Variants in MTA3 observed in about 807,000 individuals in gnomAD.
MTA3 encodes the protein metastasis-associated protein MTA3.
Under a neutral mutation model 83.5 loss-of-function variants are expected in MTA3, and 34 were observed. That is an observed-to-expected ratio of 0.41 (90% CI 0.31 to 0.54). MTA3 has a LOEUF of 0.54. MTA3 is among the 20% of genes least tolerant of loss of function. The probability of loss-of-function intolerance (pLI) is 0.33; values close to 1 mark genes in which losing one functional copy is unlikely to be tolerated. For missense variants in MTA3, 761 were observed against 726.4 expected (o/e 1.05, Z -0.55); for synonymous variants, 303 against 252.7 (o/e 1.20, Z -1.89).
chr2:42,610,117 A>T (rs1030083313), intron 4 of MTA3, among the ~76,000 whole-genome samples: 4 of 152,208 alleles, frequency 2.6e-5, no homozygotes, highest in Admixed American at 2.6e-4. Context: ...AAACGAAAAA[A>T]AACAATAAGA....
intron 6 of MTA3, among the ~76,000 whole-genome samples, chr2:42,652,797 T>C (rs1688836336): frequency 6.6e-6 from 1 of 152,354 alleles, no homozygotes; most frequent in Non-Finnish European, 1.5e-5. Context: ...TGTTATTCTT[T>C]TGATTCATAA....
chr2:42,636,632 T>TC (rs1558528351), intron 4 of MTA3, among the ~76,000 whole-genome samples: 1 of 149,490 alleles, frequency 6.7e-6, no homozygotes, highest in East Asian at 2.0e-4. Context: ...CTTTCTTTTT[T>TC]TTTTTTTTTT....
chr2:42,708,061 T>C lies in MTA3; in HGVS notation c.1302+7T>C. On this transcript the variant is annotated splice_region_variant and intron_variant, in intron 13 of 16. Transcript: ENST00000405094. ...TCCTAGCCCAACTACAGAGGTACAG[T>C]AGTCTTTTTAGTGTTGAAAAATGGC... 1 of 1,588,044 alleles carries C rather than the reference T, an allele frequency of 6.3e-7. No homozygotes were observed. Among genetic ancestry groups the C allele is most frequent in the South Asian group, 1.2e-5 (1 of 86,022 alleles).
At chr2:42,500,776 G>A (rs1048790206) in intron 2 of MTA3, among the ~76,000 whole-genome samples, 1 of 151,158 alleles carries the variant, frequency 6.6e-6, no homozygotes, top group Admixed American at 6.6e-5. Flanking sequence ...AAAATCAAAG[G>A]GTTGTTAGTA....
At chr2:42,722,433 C>T (rs1301828523) in intron 15 of MTA3, among the ~76,000 whole-genome samples, 1 of 152,146 alleles carries the variant, frequency 6.6e-6, no homozygotes, top group Non-Finnish European at 1.5e-5. Flanking sequence ...TGTCTGGTTG[C>T]AGAGCCAGAG....
At chr2:42,674,652 G>A (rs2104416985) in intron 8 of MTA3, among the ~76,000 whole-genome samples, 1 of 143,684 alleles carries the variant, frequency 7.0e-6, no homozygotes, top group South Asian at 2.2e-4. Flanking sequence ...AGGCTGGAGT[G>A]CAGTGGCCCG....
chr2:42,625,841 T>C (rs1320535548), intron 4 of MTA3, among the ~76,000 whole-genome samples: 1 of 151,738 alleles, frequency 6.6e-6, no homozygotes, highest in African/African-American at 2.4e-5. Flanking sequence ...TTCTGTGTTG[T>C]TGCCTAAATT....
chr2:42,667,627 G>GTGT (rs1558562542), intron 8 of MTA3, among the ~76,000 whole-genome samples: 67 of 23,010 alleles, frequency 2.9e-3, no homozygotes, highest in South Asian at 0.022. Flanking sequence ...GAGAAAGAGA[G>GTGT]AGAGAGAGAG....
At chr2:42,723,905 A>G (rs1014589181) in intron 16 of MTA3, among the ~76,000 whole-genome samples, 1 of 152,204 alleles carries the variant, frequency 6.6e-6, no homozygotes, top group Non-Finnish European at 1.5e-5. Context: ...TTCCTCCATT[A>G]TGACTTTTGA....
At chr2:42,727,516 G>C (rs1667911173) in intron 16 of MTA3, among the ~76,000 whole-genome samples, 1 of 152,174 alleles carries the variant, frequency 6.6e-6, no homozygotes, top group Admixed American at 6.5e-5. Context: ...GGCCAGCAGG[G>C]ATAGAAGAGC....
chr2:42,539,329 A>G (rs1676416682), intron 2 of MTA3, among the ~76,000 whole-genome samples: 1 of 152,138 alleles, frequency 6.6e-6, no homozygotes, highest in Non-Finnish European at 1.5e-5. Context: ...TGGAAGGGGA[A>G]AAAAACAAGT....
intron 6 of MTA3, among the ~76,000 whole-genome samples, chr2:42,645,129 G>A (rs1489984103): frequency 4.2e-5 from 6 of 142,930 alleles, no homozygotes; most frequent in Non-Finnish European, 9.0e-5. Context: ...GAAATTAAAA[G>A]TGCTACTCCA....
chr2:42,597,864 TAG>T (rs1478277296), intron 3 of MTA3, among the ~76,000 whole-genome samples: 1 of 151,586 alleles, frequency 6.6e-6, no homozygotes, highest in Non-Finnish European at 1.5e-5. Context: ...TATCCTTTTG[TAG>T]AGACAGGGTT....
At chr2:42,605,879 C>T (rs1262720948) in intron 3 of MTA3, among the ~76,000 whole-genome samples, 4 of 124,446 alleles carry the variant, frequency 3.2e-5, no homozygotes, top group African/African-American at 9.3e-5. Context: ...GGCGGTTGGC[C>T]GGGCAGAGGG....
At chr2:42,581,980 C>T (rs1046657070) in intron 3 of MTA3, 2 of 154,044 alleles carry the variant, frequency 1.3e-5, no homozygotes, top group African/African-American at 4.8e-5. Context: ...AAACTCCCAA[C>T]CTCAGGTGAT....
At chr2:42,738,770 G>A (rs1055494810) in intron 16 of MTA3, among the ~76,000 whole-genome samples, 4 of 152,178 alleles carry the variant, frequency 2.6e-5, no homozygotes, top group South Asian at 2.1e-4. Context: ...GAATGCGCAC[G>A]TAGGGGTAGC....
chr2:42,609,459 A>G lies in MTA3; in HGVS notation c.192A>G (p.Lys64=). ...TLIMLADKHA[K]EIEEESETTV... Reference sequence around the variant, plus strand: ...ATTCTTTGAATTTTATTTGTGTAGAAGAAATTGAGGAAGAATCTGAAACAA... The same window carrying G: ...ATTCTTTGAATTTTATTTGTGTAGAGGAAATTGAGGAAGAATCTGAAACAA... The change falls in exon 4 of 17, where the codon AAA becomes AAG. Residue 64 remains lysine, a splice_region_variant and synonymous_variant. Coordinates refer to ENST00000405094, the MANE Select transcript of MTA3 (RefSeq NM_001330442.2). 1 of 1,613,582 alleles carries G rather than the reference A, an allele frequency of 6.2e-7. No individual in the cohort carries two copies. Among genetic ancestry groups the G allele is most frequent in the South Asian group, 1.1e-5 (1 of 91,044 alleles).
chr2:42,676,946 G>T (rs1043970320), intron 8 of MTA3, among the ~76,000 whole-genome samples: 1 of 152,058 alleles, frequency 6.6e-6, no homozygotes, highest in Non-Finnish European at 1.5e-5. Context: ...CATGAGGTTA[G>T]TTATTAAGAA....
rs545833426 is a variant in MTA3, at chr2:42,745,115, A to G, written c.1760-8259A>G. 6.6e-5 allele frequency among the ~76,000 whole-genome samples: 10 copies of G among 152,358 alleles called. No individual in the cohort carries two copies. In the South Asian group the frequency reaches 2.1e-3, roughly 32 times the overall value. On this transcript the variant is annotated intron_variant, in intron 16 of 16. Transcript: ENST00000405094. Reference sequence around the variant, plus strand: ...TATAATCTATGCATTTTCCTCTATCAGCCAGATATTTATTTTTATCAGCAA... The same window carrying G: ...TATAATCTATGCATTTTCCTCTATCGGCCAGATATTTATTTTTATCAGCAA...
Sources: gnomAD v4.1 joint callset for allele counts (sites outside exome capture counted in the v4.1 genomes callset) on GRCh38, gnomAD v4.1.1 for gene constraint, MANE v1.5 for transcripts, NCBI Gene and HGNC (gene_info 2026-07-23, HGNC 2026-07-21) for gene names.